ZFPM2: variants seen among roughly 807,000 people sequenced by gnomAD.
The protein encoded by ZFPM2 is zinc finger protein, FOG family member 2.
Under a neutral mutation model 98.6 loss-of-function variants are expected in ZFPM2, and 20 were observed. The observed-to-expected ratio is 0.20, with a 90% confidence interval of 0.14 to 0.29. ZFPM2 has a LOEUF of 0.29. Among genes scored for constraint, ZFPM2 ranks in the 10% least tolerant of loss-of-function variants. ZFPM2 has a pLI of 1.00. For synonymous variants in ZFPM2, 518 were observed against 502.7 expected (o/e 1.03, Z -0.41); for missense variants, 1,310 against 1,388.6 (o/e 0.94, Z 0.90).
At chr8:105,717,975 GA>G (rs1366368877) in intron 5 of ZFPM2, among the ~76,000 whole-genome samples, 2 of 151,816 alleles carry the variant, frequency 1.3e-5, no homozygotes, top group Non-Finnish European at 2.9e-5. Flanking sequence ...TCCTACTACC[GA>G]GAGACTGAGT....
intron 4 of ZFPM2, among the ~76,000 whole-genome samples, chr8:105,629,345 A>G (rs1170568707): frequency 2.0e-5 from 3 of 152,218 alleles, no homozygotes; most frequent in African/African-American, 4.8e-5. Flanking sequence ...ATAAATGATC[A>G]ATGACTGTGG....
At chr8:105,608,887 TA>T (rs1443682698) in intron 4 of ZFPM2, among the ~76,000 whole-genome samples, 2 of 152,090 alleles carry the variant, frequency 1.3e-5, no homozygotes, top group African/African-American at 4.8e-5. Context: ...GAACATTAAC[TA>T]TTTTTTTAAT....
chr8:105,449,751 CTAATAA>C (rs1007384243), intron 3 of ZFPM2, among the ~76,000 whole-genome samples: 13 of 152,018 alleles, frequency 8.6e-5, no homozygotes, highest in African/African-American at 3.1e-4. Flanking sequence ...TAAAATAGGG[CTAATAA>C]TAATAACTAC....
At chr8:105,483,927 G>A (rs1813176104) in intron 3 of ZFPM2, among the ~76,000 whole-genome samples, 1 of 151,370 alleles carries the variant, frequency 6.6e-6, no homozygotes, top group African/African-American at 2.4e-5. Context: ...GTAGAGAGTG[G>A]GTTTCACCGT....
At chr8:105,431,147 A>T (rs1230772251) in intron 2 of ZFPM2, among the ~76,000 whole-genome samples, 1 of 151,616 alleles carries the variant, frequency 6.6e-6, no homozygotes, top group African/African-American at 2.4e-5. Context: ...ACCTCAGGTG[A>T]CCCGCCCACC....
intron 3 of ZFPM2, among the ~76,000 whole-genome samples, chr8:105,472,889 CTTTTTTTTTT>C (rs5893744): frequency 9.1e-5 from 10 of 109,356 alleles, no homozygotes; most frequent in African/African-American, 3.3e-4. Flanking sequence ...CTAAAGGGAC[CTTTTTTTTTT>C]TTTTTTTTTT....
At chr8:105,669,452 A>T (rs1443946628) in intron 5 of ZFPM2, among the ~76,000 whole-genome samples, 1 of 151,118 alleles carries the variant, frequency 6.6e-6, no homozygotes, top group African/African-American at 2.4e-5. Context: ...CACGCATATA[A>T]TGATAATGTA....
At chr8:105,477,227 T>C (rs1813029453) in intron 3 of ZFPM2, among the ~76,000 whole-genome samples, 1 of 150,260 alleles carries the variant, frequency 6.7e-6, no homozygotes, top group South Asian at 2.1e-4. Flanking sequence ...GATTTCTTTC[T>C]GCTAGCAATC....
chr8:105,670,548 A>G (rs1246728021), intron 5 of ZFPM2, among the ~76,000 whole-genome samples: 10 of 145,720 alleles, frequency 6.9e-5, no homozygotes. Flanking sequence ...CATTCTGTGT[A>G]TGTCTGTGTA....
At chr8:105,759,760 T>C (rs1228136904) in intron 5 of ZFPM2, among the ~76,000 whole-genome samples, 1 of 152,028 alleles carries the variant, frequency 6.6e-6, no homozygotes, top group Non-Finnish European at 1.5e-5. Context: ...ATGAATTCTT[T>C]TCATTCACCA....
At position 105,597,167 on chromosome 8, in the gene ZFPM2, G is replaced by A. The variant is rs577454541; in HGVS notation, c.420+35686G>A. 2.6e-4 allele frequency among the ~76,000 whole-genome samples: 40 copies of A among 151,984 alleles called. 1 individual carries two copies. The highest frequency in any genetic ancestry group is 4.7e-4 in the Non-Finnish European group (32 of 67,930). The stretch of plus-strand genomic sequence containing the variant: ...TTTTGGGTTGCAAATGAATGTTAGG[G>A]CCCTGTTATGCCTGGGTTCTGTTTA... On this transcript the variant is annotated intron_variant, in intron 4 of 7. Coordinates refer to ENST00000407775, the MANE Select transcript of ZFPM2 (RefSeq NM_012082.4).
rs137858857 is a variant in ZFPM2, at chr8:105,616,752, T to G, written c.421-17494T>G. On this transcript the variant is annotated intron_variant, in intron 4 of 7. Transcript: ENST00000407775. ...CACACCATAGTTTGGGTGCGGTGAC[T>G]CATGCCTGTAATCCCAGCACTTTGG... 657 of 309,286 alleles carry G rather than the reference T, an allele frequency of 2.1e-3. 5 individuals carry two copies. The highest frequency in any genetic ancestry group is 3.4e-3 in the Non-Finnish European group (539 of 157,264). The allele number at this position is 309,286 out of a possible 1,614,324, so 19.2% of individuals were successfully genotyped here.
chr8:105,794,972 G>T (rs1377838190), intron 6 of ZFPM2, among the ~76,000 whole-genome samples: 1 of 152,108 alleles, frequency 6.6e-6, no homozygotes, highest in African/African-American at 2.4e-5. Flanking sequence ...CGATTTTCCA[G>T]GTGCCGTCTG....
chr8:105,359,333 C>T (rs1180309053), intron 1 of ZFPM2, among the ~76,000 whole-genome samples: 2 of 151,006 alleles, frequency 1.3e-5, no homozygotes, highest in African/African-American at 4.9e-5. Flanking sequence ...TACCCACTCT[C>T]GGGTATTTCT....
chr8:105,479,303 A>G (rs1385681161), intron 3 of ZFPM2, among the ~76,000 whole-genome samples: 6 of 152,210 alleles, frequency 3.9e-5, no homozygotes, highest in African/African-American at 7.2e-5. Context: ...ACTGGCAGAA[A>G]TAGGTATTTC....
At chr8:105,677,936 A>C (rs1436822299) in intron 5 of ZFPM2, among the ~76,000 whole-genome samples, 2 of 152,158 alleles carry the variant, frequency 1.3e-5, no homozygotes, top group Middle Eastern at 6.3e-3. Flanking sequence ...GCAAATAGCC[A>C]ATGTTGTATA....
intron 3 of ZFPM2, among the ~76,000 whole-genome samples, chr8:105,474,314 A>G (rs1247905978): frequency 1.3e-5 from 2 of 152,194 alleles, no homozygotes; most frequent in South Asian, 2.1e-4. Flanking sequence ...TCAATTTTCA[A>G]TCCAGCTACA....
intron 1 of ZFPM2, among the ~76,000 whole-genome samples, chr8:105,410,211 T>G (rs2130031453): frequency 6.6e-6 from 1 of 152,012 alleles, no homozygotes; most frequent in East Asian, 1.9e-4. Flanking sequence ...TTTTCTTCTC[T>G]AATTAAATGT....
intron 5 of ZFPM2, among the ~76,000 whole-genome samples, chr8:105,742,988 AGAT>A (rs1339203823): frequency 6.6e-6 from 1 of 152,120 alleles, no homozygotes; most frequent in African/African-American, 2.4e-5. Context: ...ATGTTTCAAG[AGAT>A]GATGACAAAT....
Sources: gnomAD v4.1 joint callset for allele counts (sites outside exome capture counted in the v4.1 genomes callset) on GRCh38, gnomAD v4.1.1 for gene constraint, MANE v1.5 for transcripts, NCBI Gene and HGNC (gene_info 2026-07-23, HGNC 2026-07-21) for gene names.